The following NRXN1 variants were observed in gnomAD, a reference collection of about 807,000 sequenced individuals.
NRXN1 encodes the protein neurexin-1.
A neutral mutation model predicts 150.9 loss-of-function variants in NRXN1; 39 were observed. The ratio of observed to expected loss-of-function variants is 0.26; its 90% CI spans 0.20 to 0.34. The LOEUF (loss-of-function observed/expected upper bound fraction) is 0.34. Among genes scored for constraint, NRXN1 ranks in the 10% least tolerant of loss-of-function variants. The pLI, the probability that NRXN1 is intolerant of heterozygous loss-of-function variation, is 1.00. For missense variants in NRXN1, 1,815 were observed against 1,949.9 expected (o/e 0.93, Z 1.30); for synonymous variants, 924 against 757.0 (o/e 1.22, Z -3.62).
intron 1 of NRXN1, among the ~76,000 whole-genome samples, chr2:51,029,841 T>C (rs868501757): frequency 6.6e-6 from 1 of 152,230 alleles, no homozygotes; most frequent in Non-Finnish European, 1.5e-5. Context: ...TGCCCTAATA[T>C]TAACTTCTCT....
intron 5 of NRXN1, among the ~76,000 whole-genome samples, chr2:50,753,973 GC>G (rs149380808): frequency 0.015 from 1,913 of 125,064 alleles, 47 homozygotes; most frequent in African/African-American, 0.031. Context: ...TTGGGGGGGG[GC>G]GGAATTCCCA....
chr2:49,946,574 G>T (rs1377088266), intron 21 of NRXN1, among the ~76,000 whole-genome samples: 1 of 152,108 alleles, frequency 6.6e-6, no homozygotes, highest in Non-Finnish European at 1.5e-5. Context: ...GTGTAAGGAA[G>T]GGGTCCGGTT....
At chr2:50,992,713 G>A (rs1289724844) in intron 2 of NRXN1, among the ~76,000 whole-genome samples, 1 of 151,972 alleles carries the variant, frequency 6.6e-6, no homozygotes, top group East Asian at 1.9e-4. Context: ...TCATCTAGGA[G>A]CAACTCCGTT....
intron 5 of NRXN1, among the ~76,000 whole-genome samples, chr2:50,900,018 AT>A (rs570710470): frequency 1.3e-5 from 2 of 152,194 alleles, no homozygotes; most frequent in African/African-American, 4.8e-5. Context: ...ACCAAAAGGG[AT>A]TTTTTTGTGT....
At chr2:50,707,428 G>T (rs1019759474) in intron 5 of NRXN1, among the ~76,000 whole-genome samples, 1 of 152,176 alleles carries the variant, frequency 6.6e-6, no homozygotes, top group Admixed American at 6.6e-5. Context: ...GTTATGTTCA[G>T]CTGCAGTAGA....
intron 12 of NRXN1, chr2:50,507,049 C>G (rs1343341108): frequency 6.3e-6 from 1 of 159,224 alleles, no homozygotes; most frequent in Non-Finnish European, 1.4e-5. Flanking sequence ...ATCATGTAAC[C>G]TCTGAGCTCT....
intron 18 of NRXN1, among the ~76,000 whole-genome samples, chr2:50,156,022 T>A (rs75178614): frequency 0.088 from 13,426 of 151,748 alleles, 1,322 homozygotes; most frequent in East Asian, 0.38. Context: ...TCTAGAATTA[T>A]ATATATATCA....
chr2:50,005,959 T>C (rs975686361), intron 21 of NRXN1, among the ~76,000 whole-genome samples: 40 of 152,274 alleles, frequency 2.6e-4, no homozygotes, highest in African/African-American at 9.4e-4. Context: ...TCTGAAAGTA[T>C]AACTTGCCAC....
At chr2:50,015,800 GT>G (rs540815830) in intron 21 of NRXN1, among the ~76,000 whole-genome samples, 4 of 151,884 alleles carry the variant, frequency 2.6e-5, no homozygotes, top group African/African-American at 4.8e-5. Context: ...CCAAAAGCAT[GT>G]TTTTTTTCCA....
chr2:50,903,519 T>G (rs553027947), intron 5 of NRXN1, among the ~76,000 whole-genome samples: 2 of 152,256 alleles, frequency 1.3e-5, no homozygotes, highest in Non-Finnish European at 2.9e-5. Context: ...TGGTTTTTGT[T>G]TTTTGTAGTG....
At chr2:50,956,267 T>C (rs559820009) in intron 2 of NRXN1, among the ~76,000 whole-genome samples, 1 of 152,296 alleles carries the variant, frequency 6.6e-6, no homozygotes, top group East Asian at 1.9e-4. Flanking sequence ...ATTTTATAAA[T>C]GAAATTTTGT....
At position 50,528,633 on chromosome 2, in the gene NRXN1, C is replaced by T; in HGVS notation, c.2366G>A (p.Cys789Tyr). Residue 789 changes from cysteine (C) to tyrosine (Y), a missense_variant, in exon 12 of 23, where the codon TGT becomes TAT. Cys to Tyr is a radical substitution (Grantham distance 194). Around this residue, in one of 6 missense-constraint regions of NRXN1, gnomAD observed 638 missense variants for 652.6 expected, o/e 0.98. Transcript: ENST00000401669. The part of the protein sequence containing the change: ...TVNLDCIRIN[C>Y]NSSKGPETLF... ...TTTGAATAGGCACTTACTGGAATTA[C>T]AGTTAATCCTGATACAATCTAGATG... 1.3e-6 allele frequency: 2 copies of T among 1,544,538 alleles called. No individual in the cohort carries two copies. The highest frequency in any genetic ancestry group is 2.3e-5 in the East Asian group (1 of 44,038).
At position 51,028,112 on chromosome 2, in the gene NRXN1, C is replaced by T. The variant is rs1057519409; in HGVS notation, c.162G>A (p.Met54Ile). The change falls in exon 2 of 23, where the codon ATG (methionine) becomes ATA (isoleucine). Residue 54 changes from methionine to isoleucine, a missense_variant. Met to Ile is a conservative substitution (Grantham distance 10). Coordinates refer to ENST00000401669, the MANE Select transcript of NRXN1 (RefSeq NM_001330078.2). ...CGCTGCGAGTCTTGAGCTGGAAGCT[C>T]ATCTCGCTCTCGCAGCAGGCGTTCC... The part of the protein sequence containing the change: ...PKWNACCESE[M>I]SFQLKTRSAR... 7.6e-6 allele frequency: 12 copies of T among 1,576,870 alleles called. No individual in the cohort carries two copies. In the Admixed American group the frequency reaches 1.2e-4, roughly 16 times the overall value.
intron 17 of NRXN1, among the ~76,000 whole-genome samples, chr2:50,379,342 GA>G: frequency 6.6e-6 from 1 of 152,092 alleles, no homozygotes; most frequent in South Asian, 2.1e-4. Context: ...AGAAAGGCTG[GA>G]AAAAAAGGGG....
At chr2:50,613,735 C>T (rs556041866) in intron 8 of NRXN1, among the ~76,000 whole-genome samples, 96 of 152,226 alleles carry the variant, frequency 6.3e-4, no homozygotes, top group African/African-American at 2.3e-3. Flanking sequence ...TCAGGACATC[C>T]AGACCATACT....
chr2:50,180,887 ATGAC>A (rs1259102202), intron 18 of NRXN1, among the ~76,000 whole-genome samples: 1 of 152,186 alleles, frequency 6.6e-6, no homozygotes, highest in African/African-American at 2.4e-5. Context: ...AGAATCTAAA[ATGAC>A]TGTCTTAATT....
At chr2:50,246,355 A>G (rs761424767) in intron 17 of NRXN1, among the ~76,000 whole-genome samples, 2 of 152,050 alleles carry the variant, frequency 1.3e-5, no homozygotes, top group African/African-American at 4.8e-5. Context: ...TTAAATCCTT[A>G]ATACAAAAGA....
chr2:49,993,252 A>G (rs1183716753), intron 21 of NRXN1, among the ~76,000 whole-genome samples: 5 of 152,212 alleles, frequency 3.3e-5, no homozygotes, highest in Non-Finnish European at 7.3e-5. Flanking sequence ...CCACTGAACC[A>G]TAAAAAGACA....
At chr2:50,003,336 A>C (rs1163479408) in intron 21 of NRXN1, among the ~76,000 whole-genome samples, 1 of 152,094 alleles carries the variant, frequency 6.6e-6, no homozygotes, top group Non-Finnish European at 1.5e-5. Flanking sequence ...ACATTTGGTT[A>C]TTCTTGTTAA....
Sources: gnomAD v4.1 joint callset for allele counts (sites outside exome capture counted in the v4.1 genomes callset) on GRCh38, gnomAD v4.1.1 for gene constraint, gnomAD v4.1.1 regional missense constraint, MANE v1.5 for transcripts, NCBI Gene and HGNC (gene_info 2026-07-23, HGNC 2026-07-21) for gene names.